SP1: variants seen among roughly 807,000 people sequenced by gnomAD.
SP1 encodes the protein transcription factor Sp1.
In SP1, 6 loss-of-function variants were observed where a neutral mutation model predicts 66.3. That is an observed-to-expected ratio of 0.09 (90% CI 0.05 to 0.18). The LOEUF is 0.18. Among genes scored for constraint, SP1 ranks in the 10% least tolerant of loss-of-function variants. The pLI is 1.00. For missense variants in SP1, 848 were observed against 964.5 expected (o/e 0.88, Z 1.60); for synonymous variants, 417 against 360.8 (o/e 1.16, Z -1.77).
Position 53,414,754 on chromosome 12 carries a change from A to G in SP1, c.*3514A>G, listed in dbSNP as rs1304584940. On this transcript the variant is annotated 3_prime_UTR_variant, in exon 6 of 6. Transcript: ENST00000327443. The stretch of plus-strand genomic sequence containing the variant: ...CTGCAGATCTTTGCTAGGACGCAAT[A>G]AATTTATATACTTTTTGAGGGGTTC... 6.6e-6 allele frequency: 1 copy of G among 152,598 alleles called. No homozygotes were observed. Among genetic ancestry groups the G allele is most frequent in the African/African-American group, 2.4e-5 (1 of 41,442 alleles). 9.5% of individuals were successfully genotyped at this position (152,598 alleles called of 1,614,324 possible).
At chr12:53,394,210 C>T (rs1036313575) in intron 3 of SP1, among the ~76,000 whole-genome samples, 1 of 145,982 alleles carries the variant, frequency 6.9e-6, no homozygotes, top group Admixed American at 7.0e-5. Flanking sequence ...ACCGAAACTC[C>T]GTCTCGAGAA....
In SP1 at chr12:53,411,098, C is replaced by A; in HGVS notation, c.2216C>A (p.Thr739Asn). ...GAGSEGSGTA[T>N]PSALITTNMV... The stretch of plus-strand genomic sequence containing the variant: ...GGTTCAGAAGGCAGTGGCACTGCCA[C>A]TCCTTCAGCCCTTATTACCACCAAT... Residue 739 changes from threonine to asparagine, a missense_variant, in exon 6 of 6, where the codon ACT becomes AAT. Around this residue, in one of 7 missense-constraint regions of SP1, gnomAD observed 73 missense variants for 91.9 expected, o/e 0.79. Coordinates refer to ENST00000327443, the MANE Select transcript of SP1 (RefSeq NM_138473.3). 1 of 1,614,220 alleles carries A rather than the reference C, an allele frequency of 6.2e-7. No individual in the cohort carries two copies. The highest frequency in any genetic ancestry group is 1.3e-5 in the African/African-American group (1 of 75,060).
rs1938069369 is a variant in SP1 at position 53,380,706 on chromosome 12, C to T, written c.7+408C>T. On this transcript the variant is annotated intron_variant, in intron 1 of 5. Coordinates refer to ENST00000327443, the MANE Select transcript of SP1 (RefSeq NM_138473.3). ...TCTGGTCGCCGCCTGCTCCAAGGCC[C>T]TCCTCCCCCCACTTTCCGTAGATTT... 3.1e-6 allele frequency: 3 copies of T among 976,570 alleles called. No homozygotes were observed. In the South Asian group the frequency reaches 1.4e-4, roughly 46 times the overall value. The allele number at this position is 976,570 out of a possible 1,614,324, so 60.5% of individuals were successfully genotyped here.
Position 53,380,649 on chromosome 12 carries a change from C to A in SP1, c.7+351C>A. 3 of 994,908 alleles carry A rather than the reference C, an allele frequency of 3.0e-6. No homozygotes were observed. The South Asian group carries it at 1.4e-4, about 47-fold the overall frequency. 61.6% of individuals were successfully genotyped at this position (994,908 alleles called of 1,614,324 possible). On this transcript the variant is annotated intron_variant, in intron 1 of 5. Coordinates refer to ENST00000327443, the MANE Select transcript of SP1 (RefSeq NM_138473.3). ...GGGGGCGGCCCGAGCAGCGAAGGCC[C>A]CGCCCGGGCCAACCGCCTGCCTGGT...
chr12:53,409,245 T>C, intron 4 of SP1, 117 bp from the exon 5 acceptor site: 1 of 834,570 alleles, frequency 1.2e-6, no homozygotes, highest in Non-Finnish European at 1.9e-6. Context: ...AAGAAGACTT[T>C]TTCAAAAAAT....
rs780674574 is a variant in SP1 at position 53,382,490 on chromosome 12, C to G, written c.543C>G (p.Thr181=). The change falls in exon 3 of 6, where the codon ACC becomes ACG. Residue 181 remains threonine, a synonymous_variant. Coordinates refer to ENST00000327443, the MANE Select transcript of SP1 (RefSeq NM_138473.3). The stretch of plus-strand genomic sequence containing the variant: ...ATCAAGTAATCCCACAGTTCCAGAC[C>G]GTTGATGGGCAACAGCTGCAGTTTG... The part of the protein sequence containing the change: ...IQYQVIPQFQ[T]VDGQQLQFAA... 1 of 1,614,158 alleles carries G rather than the reference C, an allele frequency of 6.2e-7. No homozygotes were observed. The highest frequency in any genetic ancestry group is 1.7e-5 in the Admixed American group (1 of 59,998).
Position 53,382,442 on chromosome 12 carries a change from T to C in SP1, c.495T>C (p.Pro165=). The change falls in exon 3 of 6, where the codon CCT becomes CCC. Residue 165 remains proline, a synonymous_variant. Coordinates refer to ENST00000327443, the MANE Select transcript of SP1 (RefSeq NM_138473.3). The part of the protein sequence containing the change: ...LQNQQVLTGL[P]GVMPNIQYQV... ...ACCAGCAAGTTCTGACAGGACTACCTGGAGTGATGCCTAATATTCAGTATC... is the reference window on the plus strand; with the variant it reads ...ACCAGCAAGTTCTGACAGGACTACCCGGAGTGATGCCTAATATTCAGTATC... 6.2e-7 allele frequency: 1 copy of C among 1,614,174 alleles called. No individual in the cohort carries two copies. Among genetic ancestry groups the C allele is most frequent in the African/African-American group, 1.3e-5 (1 of 75,042 alleles).
chr12:53,401,457 GAAA>G (rs11367408), intron 3 of SP1, among the ~76,000 whole-genome samples: 1 of 81,100 alleles, frequency 1.2e-5, no homozygotes, highest in Non-Finnish European at 2.4e-5. Flanking sequence ...ATCTATCTGG[GAAA>G]AAAAAAAAAA....
chr12:53,400,269 G>A (rs1938582273), intron 3 of SP1, among the ~76,000 whole-genome samples: 1 of 152,188 alleles, frequency 6.6e-6, no homozygotes, highest in African/African-American at 2.4e-5. Context: ...CTTACAGTAT[G>A]TGGTCTTTAA....
At chr12:53,384,393 T>G (rs1938180064) in intron 3 of SP1, among the ~76,000 whole-genome samples, 1 of 151,980 alleles carries the variant, frequency 6.6e-6, no homozygotes, top group African/African-American at 2.4e-5. Flanking sequence ...CAAGCGATTC[T>G]CTTGCCTGGG....
Position 53,382,703 on chromosome 12 carries a change from T to C in SP1, c.756T>C (p.Tyr252=), listed in dbSNP as rs570689791. 9 of 1,614,176 alleles carry C rather than the reference T, an allele frequency of 5.6e-6. No homozygotes were observed. The South Asian group carries it at 7.7e-5, about 14-fold the overall frequency. ...ANNVLSGQTQ[Y]VTNVPVALNG... ...ATGTACTCTCAGGACAGACTCAGTA[T>C]GTGACCAATGTACCAGTGGCCCTGA... is the stretch of plus-strand genomic sequence containing the variant. The change falls in exon 3 of 6, where the codon TAT becomes TAC. Residue 252 remains tyrosine (Y), a synonymous_variant. Coordinates refer to ENST00000327443, the MANE Select transcript of SP1 (RefSeq NM_138473.3).
At chr12:53,386,994 A>G (rs1453752951) in intron 3 of SP1, among the ~76,000 whole-genome samples, 3 of 131,764 alleles carry the variant, frequency 2.3e-5, no homozygotes, top group Non-Finnish European at 4.6e-5. Flanking sequence ...CTTGTCTCCC[A>G]GGCTGGAGTG....
intron 3 of SP1, among the ~76,000 whole-genome samples, chr12:53,385,275 C>T (rs1019361933): frequency 6.6e-6 from 1 of 150,798 alleles, no homozygotes; most frequent in African/African-American, 2.4e-5. Flanking sequence ...GCCTGGTTGA[C>T]AGAGCAAGAC....
At position 53,382,084 on chromosome 12, in the gene SP1, C is replaced by T. The variant is rs780814762; in HGVS notation, c.163-26C>T. ...GCTGGCAGCTGGGTGTCACTAACTC[C>T]TTTCCTCTCCCTTATTTTCGGCCAG... On this transcript the variant is annotated intron_variant, in intron 2 of 5. Transcript: ENST00000327443. The T allele has an allele frequency of 6.8e-6, 11 of 1,609,110 alleles. No individual in the cohort carries two copies. In the African/African-American group the frequency reaches 1.2e-4, roughly 18 times the overall value.
rs752769143 is a variant in SP1, at chr12:53,406,685, A to G, written c.1776A>G (p.Gln592=). The change falls in exon 4 of 6, where the codon CAA becomes CAG. Residue 592 remains glutamine, a synonymous_variant. Coordinates refer to ENST00000327443, the MANE Select transcript of SP1 (RefSeq NM_138473.3). ...AAGGAGAAAACAGCCCAGATGCCCA[A>G]CCCCAAGCCGGTCGGAGGACCCGGC... ...GEEGENSPDA[Q]PQAGRRTRRE... The G allele has an allele frequency of 6.2e-7, 1 of 1,613,956 alleles. No individual in the cohort carries two copies. Among genetic ancestry groups the G allele is most frequent in the East Asian group, 2.2e-5 (1 of 44,882 alleles).
intron 3 of SP1, among the ~76,000 whole-genome samples, chr12:53,384,882 G>A (rs527908267): frequency 3.9e-5 from 6 of 152,250 alleles, no homozygotes; most frequent in African/African-American, 1.4e-4. Context: ...CTACTCGGGA[G>A]GCTAAGGCAT....
In SP1 at chr12:53,398,407, C is replaced by T. The variant is rs534618278; in HGVS notation, c.1676-8178C>T. On this transcript the variant is annotated intron_variant, in intron 3 of 5. Coordinates refer to ENST00000327443, the MANE Select transcript of SP1 (RefSeq NM_138473.3). ...AAGCAATTCTCCTGCCTCAGCCTCC[C>T]AGGTAGCTGGGATTACAGGCATGCA... Among the ~76,000 whole-genome samples the T allele has an allele frequency of 5.9e-5, 9 of 152,236 alleles. No homozygotes were observed. The East Asian group carries it at 1.5e-3, about 26-fold the overall frequency.
At position 53,415,068 on chromosome 12, in the gene SP1, A is replaced by C. The variant is rs1277993932; in HGVS notation, c.*3828A>C. On this transcript the variant is annotated 3_prime_UTR_variant, in exon 6 of 6. Transcript: ENST00000327443. ...AGAAGAGAGCCAGTAACTTATGTAC[A>C]AGGATGAAAGAAAGGTCGCAGCAGT... 1 of 152,592 alleles carries C rather than the reference A, an allele frequency of 6.6e-6. No homozygotes were observed. Among genetic ancestry groups the C allele is most frequent in the Non-Finnish European group, 1.5e-5 (1 of 68,048 alleles). The allele number at this position is 152,592 out of a possible 1,614,324, so 9.5% of individuals were successfully genotyped here.
At chr12:53,400,571 G>A (rs927972997) in intron 3 of SP1, among the ~76,000 whole-genome samples, 1 of 151,848 alleles carries the variant, frequency 6.6e-6, no homozygotes, top group African/African-American at 2.4e-5. Context: ...TGATGAGTTC[G>A]AGTCTGTATC....
Sources: gnomAD v4.1 joint callset for allele counts (sites outside exome capture counted in the v4.1 genomes callset) on GRCh38, gnomAD v4.1.1 for gene constraint, gnomAD v4.1.1 regional missense constraint, MANE v1.5 for transcripts, NCBI Gene and HGNC (gene_info 2026-07-23, HGNC 2026-07-21) for gene names.